CD48: variants seen among roughly 807,000 people sequenced by gnomAD.
CD48 encodes the protein CD48 molecule.
CD48 carries 20 observed loss-of-function variants against 22.0 expected under a neutral mutation model. The ratio of observed to expected loss-of-function variants is 0.91; its 90% CI spans 0.64 to 1.32. The LOEUF (loss-of-function observed/expected upper bound fraction) is 1.32. CD48 is among the 40% of genes most tolerant of loss of function. The probability of loss-of-function intolerance (pLI) is 0.00; values close to 1 mark genes in which losing one functional copy is unlikely to be tolerated. For missense variants in CD48, 307 were observed against 286.5 expected (o/e 1.07, Z -0.52); for synonymous variants, 110 against 110.1 (o/e 1.00, Z 0.01).
At chr1:160,685,304 G>T (rs1209465237) in intron 1 of CD48, 115 bp from the exon 2 acceptor site, 1 of 747,738 alleles carries the variant, frequency 1.3e-6, no homozygotes, top group Non-Finnish European at 2.2e-6. Flanking sequence ...CTGCTTAGGA[G>T]CAGTGAGTAT....
intron 1 of CD48, chr1:160,698,831 G>A (rs1419096684): frequency 6.6e-6 from 1 of 152,596 alleles, no homozygotes. Flanking sequence ...AGGAACTGAG[G>A]CAATTGCAGG....
chr1:160,697,834 G>A (rs1386533667), intron 1 of CD48, among the ~76,000 whole-genome samples: 3 of 149,384 alleles, frequency 2.0e-5, no homozygotes, highest in East Asian at 2.0e-4. Flanking sequence ...GACAAACTCA[G>A]TCGTGTCCAA....
intron 1 of CD48, among the ~76,000 whole-genome samples, chr1:160,701,295 G>A (rs12737006): frequency 0.016 from 2,372 of 148,682 alleles, 28 homozygotes; most frequent in South Asian, 0.048. Context: ...GTTACCATCC[G>A]CCATTTGCCT....
At chr1:160,693,578 C>T (rs1319277756) in intron 1 of CD48, among the ~76,000 whole-genome samples, 1 of 152,302 alleles carries the variant, frequency 6.6e-6, no homozygotes, top group Non-Finnish European at 1.5e-5. Context: ...CTTAAATAAA[C>T]AGAATATAAC....
In CD48 at chr1:160,711,821, A is replaced by C; in HGVS notation, c.-58T>G. The C allele has an allele frequency of 1.6e-6, 2 of 1,250,136 alleles. No individual in the cohort carries two copies. The highest frequency in any genetic ancestry group is 2.4e-5 in the South Asian group (2 of 82,910). The allele number at this position is 1,250,136 out of a possible 1,614,324, so 77.4% of individuals were successfully genotyped here. On this transcript the variant is annotated 5_prime_UTR_variant, in exon 1 of 4. Coordinates refer to ENST00000368046, the MANE Select transcript of CD48 (RefSeq NM_001778.4). ...GACAGTTGAGAGCCTGGCTAGAAAA[A>C]GGCCGGGGCTAAAAACGGAACTTAC...
intron 1 of CD48, among the ~76,000 whole-genome samples, chr1:160,696,077 A>C (rs78728338): frequency 3.6e-4 from 54 of 149,248 alleles, no homozygotes; most frequent in East Asian, 1.8e-3. Context: ...ATTCTACCTA[A>C]AATTACCAGA....
intron 1 of CD48, among the ~76,000 whole-genome samples, chr1:160,700,802 C>A (rs887639589): frequency 2.0e-5 from 3 of 152,150 alleles, no homozygotes; most frequent in Non-Finnish European, 4.4e-5. Context: ...CTAATTTGAA[C>A]TTTTTGAGGT....
At chr1:160,702,286 C>T (rs972173926) in intron 1 of CD48, among the ~76,000 whole-genome samples, 5 of 152,202 alleles carry the variant, frequency 3.3e-5, no homozygotes, top group Admixed American at 1.3e-4. Context: ...TCAACCACCC[C>T]GCCTCCTACT....
intron 1 of CD48, among the ~76,000 whole-genome samples, chr1:160,693,739 G>A (rs116284638): frequency 0.041 from 6,163 of 152,054 alleles, 148 homozygotes; most frequent in East Asian, 0.13. Flanking sequence ...AGTCAATGTC[G>A]TTCCAAATTT....
intron 1 of CD48, among the ~76,000 whole-genome samples, chr1:160,692,751 T>C (rs1662271689): frequency 6.6e-6 from 1 of 152,184 alleles, no homozygotes; most frequent in Non-Finnish European, 1.5e-5. Flanking sequence ...TTAGAACCGA[T>C]GCCACCTGGA....
chr1:160,687,483 G>A (rs1477041591), intron 1 of CD48, among the ~76,000 whole-genome samples: 1 of 152,204 alleles, frequency 6.6e-6, no homozygotes, highest in East Asian at 1.9e-4. Flanking sequence ...TATGTTTAGA[G>A]ATTGCAGTAA....
intron 1 of CD48, chr1:160,691,970 G>A (rs934854924): frequency 5.7e-5 from 13 of 228,530 alleles, no homozygotes; most frequent in African/African-American, 2.5e-4. Flanking sequence ...AAAAGAGGGG[G>A]AGTTAGAGTA....
chr1:160,702,269 A>G (rs1364570586), intron 1 of CD48, among the ~76,000 whole-genome samples: 1 of 152,108 alleles, frequency 6.6e-6, no homozygotes, highest in East Asian at 1.9e-4. Flanking sequence ...GAATAGTACT[A>G]AAGAGATCAA....
intron 1 of CD48, among the ~76,000 whole-genome samples, chr1:160,710,742 C>T (rs924990659): frequency 3.9e-5 from 6 of 152,112 alleles, no homozygotes; most frequent in Admixed American, 2.0e-4. Context: ...AAGGACTCTA[C>T]CTGAGAGGTA....
intron 1 of CD48, among the ~76,000 whole-genome samples, chr1:160,689,162 T>G (rs1382277082): frequency 6.6e-6 from 1 of 152,168 alleles, no homozygotes; most frequent in Non-Finnish European, 1.5e-5. Flanking sequence ...AGCCTAGAAT[T>G]GAGTTTCTAG....
Position 160,701,326 on chromosome 1 carries a change from C to A in CD48, c.82+10356G>T, listed in dbSNP as rs568957609. ...TGCCTGATTTCTTTTTTACTAGGAACACAGGAGAATTCTAAGGGGAAAGAG... is the reference window on the plus strand; with the variant it reads ...TGCCTGATTTCTTTTTTACTAGGAAAACAGGAGAATTCTAAGGGGAAAGAG... On this transcript the variant is annotated intron_variant, in intron 1 of 3. Coordinates refer to ENST00000368046, the MANE Select transcript of CD48 (RefSeq NM_001778.4). 2.6e-5 allele frequency among the ~76,000 whole-genome samples: 4 copies of A among 151,500 alleles called. No homozygotes were observed. The East Asian group carries it at 7.8e-4, about 29-fold the overall frequency.
rs927645695 is a variant in CD48, at chr1:160,680,536, A to G, written c.652+666T>C. 4.1e-6 allele frequency: 4 copies of G among 986,526 alleles called. No homozygotes were observed. The East Asian group carries it at 3.4e-4, about 83-fold the overall frequency. 61.1% of individuals were successfully genotyped at this position (986,526 alleles called of 1,614,324 possible). A position where few individuals can be genotyped will look rare whatever the true frequency, so the allele number is the denominator to read the frequency against. ...AGTGACCCCAGGTATGACTGACTCT[A>G]AAACCCATGGCCTTAGCTGTCCCAT... On this transcript the variant is annotated intron_variant, in intron 3 of 3. Coordinates refer to ENST00000368046, the MANE Select transcript of CD48 (RefSeq NM_001778.4).
chr1:160,684,456 TCCTGCCCA>T, intron 2 of CD48: 4 of 334,176 alleles, frequency 1.2e-5, no homozygotes, highest in African/African-American at 4.2e-5. Context: ...AGTTTTTTTG[TCCTGCCCA>T]TTATGAAAGT....
intron 3 of CD48, among the ~76,000 whole-genome samples, chr1:160,680,070 A>G (rs993160005): frequency 2.6e-5 from 4 of 152,230 alleles, no homozygotes; most frequent in African/African-American, 7.2e-5. Flanking sequence ...TAAAGAAATC[A>G]GTGCAGTTAA....
Sources: allele counts gnomAD v4.1 joint callset (sites outside exome capture counted in the v4.1 genomes callset), GRCh38; gene constraint gnomAD v4.1.1; transcripts MANE v1.5; gene names NCBI Gene and HGNC (gene_info 2026-07-23, HGNC 2026-07-21).